CIPC: variants seen among roughly 807,000 people sequenced by gnomAD.
CIPC encodes the protein CLOCK-interacting pacemaker.
A neutral mutation model predicts 26.7 loss-of-function variants in CIPC; 12 were observed. That is an observed-to-expected ratio of 0.45 (90% confidence interval 0.29 to 0.73). The LOEUF (loss-of-function observed/expected upper bound fraction) is 0.73, where lower values mean the gene tolerates loss of function less well. CIPC is among the 30% of genes least tolerant of loss of function. The pLI, the probability that CIPC is intolerant of heterozygous loss-of-function variation, is 0.12. For missense variants in CIPC, 417 were observed against 486.5 expected, an observed-to-expected ratio of 0.86 and a Z score of 1.34; for synonymous variants, 170 against 189.8, an observed-to-expected ratio of 0.90 and a Z score of 0.86.
Position 77,114,855 on chromosome 14 carries a change from CTGGGTGT to C in CIPC, c.*538_*544del. 6.5e-6 allele frequency: 1 copy of C among 154,776 alleles called. No individual in the cohort carries two copies. The highest frequency in any genetic ancestry group is 1.4e-5 in the Non-Finnish European group (1 of 69,564). 9.6% of individuals were successfully genotyped at this position (154,776 alleles called of 1,614,324 possible). A position where few individuals can be genotyped will look rare whatever the true frequency, so the allele number is the denominator to read the frequency against. On this transcript the variant is annotated 3_prime_UTR_variant, in exon 4 of 4. Coordinates refer to ENST00000361786, the MANE Select transcript of CIPC (RefSeq NM_033426.3). ...AAAATTCCCTGGGCACAGGTTGCACCTGGGTGTGAGCACTTAATCACTCAACGCTTTG... is the reference window on the plus strand; with the variant it reads ...AAAATTCCCTGGGCACAGGTTGCACCGAGCACTTAATCACTCAACGCTTTG...
chr14:77,112,789 C>T (rs1453470749), intron 3 of CIPC, among the ~76,000 whole-genome samples: 2 of 151,964 alleles, frequency 1.3e-5, no homozygotes, highest in Non-Finnish European at 2.9e-5. Flanking sequence ...CAGCTTACTG[C>T]AACCTCCACC....
chr14:77,110,137 G>A (rs1328651506), intron 3 of CIPC, among the ~76,000 whole-genome samples, 156 bp downstream of exon 3: 1 of 152,124 alleles, frequency 6.6e-6, no homozygotes, highest in Non-Finnish European at 1.5e-5. Context: ...GGGAGCGGAT[G>A]TTATCTTTCA....
At chr14:77,107,658 A>ACACTCTCT (rs1287077545) in intron 2 of CIPC, among the ~76,000 whole-genome samples, 17 of 145,260 alleles carry the variant, frequency 1.2e-4, no homozygotes, top group South Asian at 6.4e-4. Flanking sequence ...ACACACACAC[A>ACACTCTCT]CTCTCTCTCT....
chr14:77,106,895 G>A (rs540730450), intron 2 of CIPC, among the ~76,000 whole-genome samples: 17 of 152,140 alleles, frequency 1.1e-4, no homozygotes, highest in South Asian at 2.1e-4. Flanking sequence ...AGGGAAGGGC[G>A]GGCCAACCTT....
chr14:77,111,851 C>G (rs1315340196), intron 3 of CIPC, among the ~76,000 whole-genome samples: 1 of 152,152 alleles, frequency 6.6e-6, no homozygotes, highest in Non-Finnish European at 1.5e-5. Flanking sequence ...GTAGGTCATC[C>G]CTAGAGAGGG....
rs117271307 is a variant in CIPC at position 77,111,793 on chromosome 14, A to G, written c.307-1632A>G. Among the ~76,000 whole-genome samples, 103 of 152,326 alleles carry G rather than the reference A, an allele frequency of 6.8e-4. 3 individuals are homozygous for G. The East Asian group carries it at 0.019, about 29-fold the overall frequency. On this transcript the variant is annotated intron_variant, in intron 3 of 3. Transcript: ENST00000361786. ...AGCATTAGGAAGTACAGTCCAGTAA[A>G]ATCATGGGAAAACAATGCATTAGAT...
At chr14:77,105,571 T>A in intron 1 of CIPC, 86 bp from the exon 2 acceptor site, 1 of 857,724 alleles carries the variant, frequency 1.2e-6, no homozygotes, top group Non-Finnish European at 1.8e-6. Context: ...GTGAGGCCAG[T>A]GTTCTTTGCC....
At chr14:77,099,458 C>G (rs1423699552) in intron 1 of CIPC, among the ~76,000 whole-genome samples, 1 of 152,178 alleles carries the variant, frequency 6.6e-6, no homozygotes, top group Non-Finnish European at 1.5e-5. Flanking sequence ...CAGACATTCT[C>G]CCAGAATGGT....
Position 77,113,525 on chromosome 14 carries a change from C to T in CIPC, c.407C>T (p.Ser136Phe). Residue 136 changes from serine (S) to phenylalanine (F), a missense_variant, in exon 4 of 4, where the codon TCT becomes TTT. Ser to Phe is a radical substitution (Grantham distance 155). Transcript: ENST00000361786. The part of the protein sequence containing the change: ...QLLFLHPPVP[S>F]PVSPCHTGEK... ...TTATTCCTTCATCCACCTGTACCAT[C>T]TCCTGTCAGTCCATGTCACACTGGT... 6.2e-7 allele frequency: 1 copy of T among 1,614,200 alleles called. No homozygotes were observed. Among genetic ancestry groups the T allele is most frequent in the Non-Finnish European group, 8.5e-7 (1 of 1,180,016 alleles).
intron 1 of CIPC, among the ~76,000 whole-genome samples, chr14:77,102,661 T>C (rs1886513145): frequency 6.6e-6 from 1 of 152,204 alleles, no homozygotes; most frequent in Non-Finnish European, 1.5e-5. Flanking sequence ...AAATAATCCA[T>C]GTTTAGTAAG....
At chr14:77,113,030 T>C (rs1243396644) in intron 3 of CIPC, among the ~76,000 whole-genome samples, 1 of 152,216 alleles carries the variant, frequency 6.6e-6, no homozygotes, top group African/African-American at 2.4e-5. Context: ...TACTTTTTAA[T>C]CAAAAGTTAT....
rs927964674 is a variant in CIPC at position 77,117,138 on chromosome 14, T to C, written c.*2820T>C. 3 of 152,690 alleles carry C rather than the reference T, an allele frequency of 2.0e-5. No individual in the cohort carries two copies. Among genetic ancestry groups the C allele is most frequent in the Admixed American group, 1.3e-4 (2 of 15,290 alleles). The allele number at this position is 152,690 out of a possible 1,614,324, so 9.5% of individuals were successfully genotyped here. On this transcript the variant is annotated 3_prime_UTR_variant, in exon 4 of 4. Coordinates refer to ENST00000361786, the MANE Select transcript of CIPC (RefSeq NM_033426.3). ...GTTCCTTTAGCAGAAAAGTAACTTT[T>C]GTGCATATATTGAAGTGGTTTTTCA...
chr14:77,114,642 T>C lies in CIPC; in HGVS notation c.*324T>C. 3.7e-6 allele frequency: 1 copy of C among 267,802 alleles called. No individual in the cohort carries two copies. The highest frequency in any genetic ancestry group is 6.5e-5 in the South Asian group (1 of 15,322). The allele number at this position is 267,802 out of a possible 1,614,324, so 16.6% of individuals were successfully genotyped here. ...CTCTTCCTGCTGTCACCTCCCATCA[T>C]CCCACTCTCTCACCAGGATCAAGGG... On this transcript the variant is annotated 3_prime_UTR_variant, in exon 4 of 4. Transcript: ENST00000361786.
chr14:77,103,930 C>A (rs1003128160), intron 1 of CIPC, among the ~76,000 whole-genome samples: 2 of 152,040 alleles, frequency 1.3e-5, no homozygotes, highest in African/African-American at 2.4e-5. Context: ...CTACCCAGTC[C>A]CATCAGGTGG....
At chr14:77,106,826 G>A (rs1371687674) in intron 2 of CIPC, among the ~76,000 whole-genome samples, 1 of 152,212 alleles carries the variant, frequency 6.6e-6, no homozygotes, top group African/African-American at 2.4e-5. Flanking sequence ...GGAACAGAGC[G>A]CCAACCAAGG....
At chr14:77,103,124 C>T (rs147404819) in intron 1 of CIPC, among the ~76,000 whole-genome samples, 1 of 152,132 alleles carries the variant, frequency 6.6e-6, no homozygotes, top group Non-Finnish European at 1.5e-5. Context: ...AGCCAGTCCC[C>T]TTAAATGAGT....
Position 77,113,844 on chromosome 14 carries a change from T to C in CIPC, c.726T>C (p.Thr242=). Residue 242 remains threonine (T), a synonymous_variant, in exon 4 of 4, where the codon ACT becomes ACC. Coordinates refer to ENST00000361786, the MANE Select transcript of CIPC (RefSeq NM_033426.3). The stretch of plus-strand genomic sequence containing the variant: ...TGGTGGCAGGTGGAAGTCCACAGAC[T>C]CTTCAGCCGGTATCCAGCAGTCACG... ...PSLVAGGSPQ[T]LQPVSSSHVA... 6.2e-7 allele frequency: 1 copy of C among 1,614,072 alleles called. No homozygotes were observed. The highest frequency in any genetic ancestry group is 8.5e-7 in the Non-Finnish European group (1 of 1,180,024).
chr14:77,113,483 C>A lies in CIPC; in HGVS notation c.365C>A (p.Ser122Ter). 1 of 1,614,186 alleles carries A rather than the reference C, an allele frequency of 6.2e-7. No individual in the cohort carries two copies. Among genetic ancestry groups the A allele is most frequent in the Non-Finnish European group, 8.5e-7 (1 of 1,180,028 alleles). ...WTVQPSFEVISAQPQLLFLHP... is the reference protein window; with the variant it reads ...WTVQPSFEVI ...GTCCAGCCCTCCTTTGAAGTGATCT[C>A]AGCACAGCCACAGCTCTTATTCCTT... Residue 122 changes from serine (S) to a stop codon, truncating the protein, a stop_gained, in exon 4 of 4, where the codon TCA becomes TAA. Transcript: ENST00000361786. LOFTEE classifies it high-confidence loss of function.
intron 1 of CIPC, among the ~76,000 whole-genome samples, chr14:77,102,402 A>G (rs1886508591): frequency 6.6e-6 from 1 of 152,222 alleles, no homozygotes; most frequent in African/African-American, 2.4e-5. Flanking sequence ...AGTGCTCATT[A>G]TGCTAAAGTG....
Sources: allele counts gnomAD v4.1 joint callset (sites outside exome capture counted in the v4.1 genomes callset), GRCh38; gene constraint gnomAD v4.1.1; transcripts MANE v1.5; gene names NCBI Gene and HGNC (gene_info 2026-07-23, HGNC 2026-07-21).